ADGRD1: variants seen among roughly 807,000 people sequenced by gnomAD.
ADGRD1 encodes the protein adhesion G protein-coupled receptor D1.
Under a neutral mutation model 113.4 loss-of-function variants are expected in ADGRD1, and 77 were observed. The ratio of observed to expected loss-of-function variants is 0.68; its 90% CI spans 0.57 to 0.82. The LOEUF is 0.82. Among genes scored for constraint, ADGRD1 ranks in the 40% least tolerant of loss-of-function variants. ADGRD1 has a pLI of 0.00. For missense variants in ADGRD1, 1,036 were observed against 1,139.1 expected (o/e 0.91, Z 1.30); for synonymous variants, 474 against 475.0 (o/e 1.00, Z 0.03).
chr12:131,014,445 G>A, intron 13 of ADGRD1, 105 bp downstream of exon 13: 2 of 1,075,652 alleles, frequency 1.9e-6, no homozygotes, highest in South Asian at 1.6e-5. Flanking sequence ...AACAGCCTTG[G>A]TGCCGGCCCG....
intron 2 of ADGRD1, among the ~76,000 whole-genome samples, chr12:130,964,327 T>A (rs1870756110): frequency 6.6e-6 from 1 of 152,216 alleles, no homozygotes; most frequent in African/African-American, 2.4e-5. Flanking sequence ...GGGATCTTAA[T>A]TTTTTCCATG....
At chr12:130,972,853 G>A (rs1593276421) in intron 4 of ADGRD1, among the ~76,000 whole-genome samples, 1 of 152,118 alleles carries the variant, frequency 6.6e-6, no homozygotes, top group East Asian at 1.9e-4. Context: ...CAGGTGCCAG[G>A]GGTTCCAATG....
At chr12:130,983,522 G>T (rs1319312204) in intron 5 of ADGRD1, among the ~76,000 whole-genome samples, 3 of 152,154 alleles carry the variant, frequency 2.0e-5, no homozygotes, top group Admixed American at 2.0e-4. Context: ...GCATCCATTA[G>T]GTTCTTTGAC....
Position 130,987,087 on chromosome 12 carries a change from T to C in ADGRD1, c.491-8T>C. 1 of 1,613,054 alleles carries C rather than the reference T, an allele frequency of 6.2e-7. No homozygotes were observed. The highest frequency in any genetic ancestry group is 8.5e-7 in the Non-Finnish European group (1 of 1,179,066). Reference sequence around the variant, plus strand: ...GTACTCAGAATGGCGATCTTCACTCTTTTCCAGGCCCCTATTGGACTCATG... The same window carrying C: ...GTACTCAGAATGGCGATCTTCACTCCTTTCCAGGCCCCTATTGGACTCATG... On this transcript the variant is annotated splice_polypyrimidine_tract_variant and splice_region_variant and intron_variant, in intron 5 of 24. Coordinates refer to ENST00000261654, the MANE Select transcript of ADGRD1 (RefSeq NM_198827.5).
chr12:131,138,310 G>C, intron 24 of ADGRD1, 81 bp downstream of exon 24: 1 of 1,204,826 alleles, frequency 8.3e-7, no homozygotes, highest in Non-Finnish European at 1.2e-6. Context: ...GGGGTGTGCA[G>C]GCAGCAGAGG....
rs760724210 is a variant in ADGRD1, at chr12:130,987,172, A to G, written c.568A>G (p.Thr190Ala). 1 of 1,614,104 alleles carries G rather than the reference A, an allele frequency of 6.2e-7. No homozygotes were observed. The highest frequency in any genetic ancestry group is 1.1e-5 in the South Asian group (1 of 91,070). ...AGTCTACGTCAACGGGACCCTGAGC[A>G]CCTCTGATCCGAGTGGAAAAGTGTC... The part of the protein sequence containing the change: ...LKVYVNGTLS[T>A]SDPSGKVSRD... The change falls in exon 6 of 25, where the codon ACC becomes GCC. Residue 190 changes from threonine to alanine, a missense_variant. Coordinates refer to ENST00000261654, the MANE Select transcript of ADGRD1 (RefSeq NM_198827.5).
chr12:131,053,792 G>T (rs1883616521), intron 13 of ADGRD1, among the ~76,000 whole-genome samples: 1 of 152,170 alleles, frequency 6.6e-6, no homozygotes, highest in Non-Finnish European at 1.5e-5. Context: ...GGGTCACATG[G>T]TGAGAAACAC....
intron 5 of ADGRD1, among the ~76,000 whole-genome samples, chr12:130,986,058 A>G (rs7304159): frequency 6.6e-6 from 1 of 152,114 alleles, no homozygotes; most frequent in Non-Finnish European, 1.5e-5. Flanking sequence ...TGTCTTGACT[A>G]CTGTAACTTT....
intron 18 of ADGRD1, among the ~76,000 whole-genome samples, chr12:131,115,102 C>T (rs1336317566): frequency 6.6e-6 from 1 of 152,164 alleles, no homozygotes; most frequent in Non-Finnish European, 1.5e-5. Context: ...GGGGATCCGT[C>T]AGGGTAGGCG....
At chr12:131,076,897 C>G (rs912649808) in intron 14 of ADGRD1, 23 bp downstream of exon 14, 9 of 1,604,102 alleles carry the variant, frequency 5.6e-6, no homozygotes, top group Non-Finnish European at 7.7e-6. Flanking sequence ...CAGGGGAGAG[C>G]AGGTGGGCAT....
At chr12:130,960,163 A>G (rs981348366) in intron 2 of ADGRD1, among the ~76,000 whole-genome samples, 2 of 152,222 alleles carry the variant, frequency 1.3e-5, no homozygotes, top group African/African-American at 4.8e-5. Flanking sequence ...TTTATACATG[A>G]CATTTGTAAT....
At chr12:131,018,980 G>A (rs12824391) in intron 13 of ADGRD1, among the ~76,000 whole-genome samples, 18,061 of 152,250 alleles carry the variant, frequency 0.12, 1,185 homozygotes, top group Middle Eastern at 0.2. Flanking sequence ...GCAAGGCCGG[G>A]GCACAGACTC....
Position 130,991,011 on chromosome 12 carries a change from C to A in ADGRD1, c.746-3C>A. 6.2e-7 allele frequency: 1 copy of A among 1,613,358 alleles called. No individual in the cohort carries two copies. The highest frequency in any genetic ancestry group is 8.5e-7 in the Non-Finnish European group (1 of 1,179,386). Reference sequence around the variant, plus strand: ...GTCCTTAATCCAGCATTGTTTCTTCCAGGAAAGCATGCTTTATTGTCTTCA... The same window carrying A: ...GTCCTTAATCCAGCATTGTTTCTTCAAGGAAAGCATGCTTTATTGTCTTCA... On this transcript the variant is annotated splice_region_variant and splice_polypyrimidine_tract_variant and intron_variant, in intron 6 of 24. Coordinates refer to ENST00000261654, the MANE Select transcript of ADGRD1 (RefSeq NM_198827.5).
At chr12:131,045,505 A>ACCCCCCCCCCCCCC (rs35800678) in intron 13 of ADGRD1, among the ~76,000 whole-genome samples, 5 of 146,392 alleles carry the variant, frequency 3.4e-5, no homozygotes, top group East Asian at 2.1e-4. Context: ...CTGTACAGGG[A>ACCCCCCCCCCCCCC]CCCCCCCCCA....
chr12:131,012,070 C>A (rs771086339), intron 12 of ADGRD1, among the ~76,000 whole-genome samples: 4 of 152,122 alleles, frequency 2.6e-5, no homozygotes, highest in African/African-American at 4.8e-5. Flanking sequence ...TGTTGTTCTT[C>A]CGGGGAAACA....
rs377016136 is a variant in ADGRD1 at position 131,058,386 on chromosome 12, T to G, written c.1474-18415T>G. 1.9e-4 allele frequency among the ~76,000 whole-genome samples: 29 copies of G among 152,318 alleles called. No homozygotes were observed. The East Asian group carries it at 5.2e-3, about 27-fold the overall frequency. On this transcript the variant is annotated intron_variant, in intron 13 of 24. Transcript: ENST00000261654. Reference sequence around the variant, plus strand: ...CTCCATGCCCTTTCAGTGATCTGTTTGGAATGTGCTGGGTTTGAGTTGCTG... The same window carrying G: ...CTCCATGCCCTTTCAGTGATCTGTTGGGAATGTGCTGGGTTTGAGTTGCTG...
intron 18 of ADGRD1, among the ~76,000 whole-genome samples, chr12:131,109,728 A>G (rs1950310239): frequency 6.6e-6 from 1 of 152,236 alleles, no homozygotes. Flanking sequence ...AGTGGTCTAC[A>G]GATACCTGTT....
intron 15 of ADGRD1, among the ~76,000 whole-genome samples, chr12:131,102,065 T>C (rs1950101358): frequency 6.6e-6 from 1 of 152,214 alleles, no homozygotes; most frequent in African/African-American, 2.4e-5. Context: ...TCAGAACTCT[T>C]AAGTGGCTTT....
In ADGRD1 at chr12:130,981,961, A is replaced by G. The variant is rs1395477615; in HGVS notation, c.388A>G (p.Ile130Val). The G allele has an allele frequency of 3.7e-6, 6 of 1,613,636 alleles. No homozygotes were observed. The highest frequency in any genetic ancestry group is 5.1e-6 in the Non-Finnish European group (6 of 1,179,642). ...PIPSAYGGQV[I>V]SNGFKVCSSG... ...CCCTTCTGCGTATGGGGGACAGGTC[A>G]TCTCCAATGGGTTCAAAGTCTGCTC... is the stretch of plus-strand genomic sequence containing the variant. The change falls in exon 5 of 25, where the codon ATC (isoleucine) becomes GTC (valine). Residue 130 changes from isoleucine to valine, a missense_variant. Physicochemically the swap from Ile to Val is conservative, Grantham distance 29 (BLOSUM62 3). Transcript: ENST00000261654.
Sources: gnomAD v4.1 joint callset for allele counts (sites outside exome capture counted in the v4.1 genomes callset) on GRCh38, gnomAD v4.1.1 for gene constraint, MANE v1.5 for transcripts, NCBI Gene and HGNC (gene_info 2026-07-23, HGNC 2026-07-21) for gene names.